The following AHR variants were observed in gnomAD, a reference collection of about 807,000 sequenced individuals.
AHR encodes aryl hydrocarbon receptor, also known as AH-receptor.
A neutral mutation model predicts 86.8 loss-of-function variants in AHR; 40 were observed. That is an observed-to-expected ratio of 0.46 (90% confidence interval 0.36 to 0.60). The LOEUF (loss-of-function observed/expected upper bound fraction) is 0.60, where lower values mean the gene tolerates loss of function less well. Ranked by LOEUF, AHR falls within the 20% of genes least tolerant of loss-of-function variation. The pLI, the probability that AHR is intolerant of heterozygous loss-of-function variation, is 0.00. For synonymous variants in AHR, 398 were observed against 354.9 expected (o/e 1.12, Z -1.37); for missense variants, 1,001 against 1,011.6 (o/e 0.99, Z 0.14).
At chr7:17,326,941 G>A (rs1185763477) in intron 3 of AHR, among the ~76,000 whole-genome samples, 2 of 152,044 alleles carry the variant, frequency 1.3e-5, no homozygotes, top group Admixed American at 6.6e-5. Flanking sequence ...TAATAATAAA[G>A]TGATCTATGA....
chr7:17,313,945 T>C (rs1348099609), intron 2 of AHR, among the ~76,000 whole-genome samples: 2 of 152,166 alleles, frequency 1.3e-5, no homozygotes, highest in African/African-American at 4.8e-5. Flanking sequence ...CTGGGCTTGT[T>C]GATCAATCTA....
At chr7:17,306,423 C>T (rs1206877448) in intron 1 of AHR, among the ~76,000 whole-genome samples, 1 of 152,148 alleles carries the variant, frequency 6.6e-6, no homozygotes, top group African/African-American at 2.4e-5. Flanking sequence ...AAATCCAGTA[C>T]ATCTGAATTG....
At chr7:17,316,689 C>G (rs1260309306) in intron 2 of AHR, among the ~76,000 whole-genome samples, 1 of 152,094 alleles carries the variant, frequency 6.6e-6, no homozygotes, top group Non-Finnish European at 1.5e-5. Flanking sequence ...CTGAATTCTT[C>G]ATGTATTTTC....
In AHR at chr7:17,339,840, A is replaced by G. The variant is rs1782399638; in HGVS notation, c.2015A>G (p.Tyr672Cys). The G allele has an allele frequency of 1.2e-6, 2 of 1,614,244 alleles. No individual in the cohort carries two copies. The highest frequency in any genetic ancestry group is 1.7e-6 in the Non-Finnish European group (2 of 1,180,040). The change falls in exon 10 of 11, where the codon TAT becomes TGT. Residue 672 changes from tyrosine to cysteine, a missense_variant. By Grantham distance (194) the Tyr-to-Cys change is radical (BLOSUM62 -2). Coordinates refer to ENST00000242057, the MANE Select transcript of AHR (RefSeq NM_001621.5). ...FNCPQQDPQQ[Y>C]NVFTDLHGIS... ...TGTCCACAGCAAGACCCACAACAAT[A>G]TAATGTCTTTACAGACTTACATGGG...
chr7:17,342,846 T>C (rs1782440546), intron 10 of AHR, 75 bp from the exon 11 acceptor site: 7 of 1,408,492 alleles, frequency 5.0e-6, no homozygotes, highest in Non-Finnish European at 6.9e-6. Flanking sequence ...TAAAAATACA[T>C]GTTAATGTTA....
At chr7:17,337,754 C>T (rs1012338771) in intron 9 of AHR, among the ~76,000 whole-genome samples, 2 of 151,640 alleles carry the variant, frequency 1.3e-5, no homozygotes, top group African/African-American at 4.8e-5. Context: ...GGATTACAGG[C>T]GTGAGCCACC....
chr7:17,303,408 C>T (rs987871922), intron 1 of AHR, among the ~76,000 whole-genome samples: 3 of 151,976 alleles, frequency 2.0e-5, no homozygotes, highest in Non-Finnish European at 2.9e-5. Context: ...ACAGCCATAT[C>T]CTAGGGATTT....
chr7:17,309,848 AAAT>A, intron 1 of AHR, 85 bp from the exon 2 acceptor site: 2 of 1,127,426 alleles, frequency 1.8e-6, no homozygotes, highest in Non-Finnish European at 2.4e-6. Context: ...TGTGTTAGAG[AAAT>A]ATTTGAGGAG....
At chr7:17,309,837 TTG>T in intron 1 of AHR, 97 bp from the exon 2 acceptor site, 1 of 1,026,668 alleles carries the variant, frequency 9.7e-7, no homozygotes. Flanking sequence ...TAAAAGTTTG[TTG>T]TGTTAGAGAA....
At chr7:17,314,847 A>G (rs1268105096) in intron 2 of AHR, among the ~76,000 whole-genome samples, 1 of 152,056 alleles carries the variant, frequency 6.6e-6, no homozygotes, top group Non-Finnish European at 1.5e-5. Context: ...CCAAAGTTTC[A>G]GTATGATAGT....
chr7:17,310,151 CA>C (rs1291815334), intron 2 of AHR, 28 bp downstream of exon 2: 1 of 1,570,582 alleles, frequency 6.4e-7, no homozygotes, highest in Non-Finnish European at 8.7e-7. Context: ...AATTTGTCTA[CA>C]ATAACGTATA....
chr7:17,301,008 C>T (rs1340169301), intron 1 of AHR, among the ~76,000 whole-genome samples: 1 of 151,914 alleles, frequency 6.6e-6, no homozygotes, highest in Non-Finnish European at 1.5e-5. Flanking sequence ...GGTTATTTTG[C>T]GTAAAATGTA....
chr7:17,338,852 G>C (rs1782384333), intron 9 of AHR, 134 bp from the exon 10 acceptor site: 3 of 829,812 alleles, frequency 3.6e-6, no homozygotes, highest in Non-Finnish European at 5.3e-6. Context: ...GAATAATTGA[G>C]GTGAAAATAA....
intron 2 of AHR, among the ~76,000 whole-genome samples, chr7:17,314,181 C>T (rs1036631287): frequency 9.9e-5 from 15 of 152,018 alleles, no homozygotes; most frequent in African/African-American, 3.1e-4. Flanking sequence ...CTTAGGGATC[C>T]GAGTTTCTGA....
At chr7:17,341,675 A>G (rs909824206) in intron 10 of AHR, among the ~76,000 whole-genome samples, 1 of 152,210 alleles carries the variant, frequency 6.6e-6, no homozygotes, top group African/African-American at 2.4e-5. Context: ...CTTGGCTTGA[A>G]AAAAGAATGT....
At position 17,344,654 on chromosome 7, in the gene AHR, G is replaced by T. The variant is rs1160128994; in HGVS notation, c.*1590G>T. 7.0e-6 allele frequency: 1 copy of T among 143,508 alleles called. No homozygotes were observed. The highest frequency in any genetic ancestry group is 2.6e-5 in the African/African-American group (1 of 38,502). The allele number at this position is 143,508 out of a possible 1,614,324, so 8.9% of individuals were successfully genotyped here. On this transcript the variant is annotated 3_prime_UTR_variant, in exon 11 of 11. Transcript: ENST00000242057. Reference sequence around the variant, plus strand: ...CTTTTTTTTTTTTTTTTTTGAGAGAGAGTCTTACTCTGCCGCCCAAACTGG... The same window carrying T: ...CTTTTTTTTTTTTTTTTTTGAGAGATAGTCTTACTCTGCCGCCCAAACTGG...
At chr7:17,327,050 T>C (rs938349414) in intron 3 of AHR, among the ~76,000 whole-genome samples, 5 of 151,768 alleles carry the variant, frequency 3.3e-5, no homozygotes, top group Non-Finnish European at 7.4e-5. Context: ...AACTAAAGAG[T>C]ATGGGCTAAT....
intron 1 of AHR, among the ~76,000 whole-genome samples, chr7:17,307,478 C>G (rs1301077939): frequency 6.6e-6 from 1 of 152,062 alleles, no homozygotes; most frequent in African/African-American, 2.4e-5. Context: ...TGGGACATAA[C>G]AAGGAGGTTG....
chr7:17,339,815 T>G lies in AHR; in HGVS notation c.1990T>G (p.Cys664Gly). The G allele has an allele frequency of 6.2e-7, 1 of 1,614,208 alleles. No individual in the cohort carries two copies. The highest frequency in any genetic ancestry group is 8.5e-7 in the Non-Finnish European group (1 of 1,180,042). Residue 664 changes from cysteine to glycine, a missense_variant, in exon 10 of 11, where the codon TGT becomes GGT. Coordinates refer to ENST00000242057, the MANE Select transcript of AHR (RefSeq NM_001621.5). ...WNSNQFVPFN[C>G]PQQDPQQYNV... ...CTCTAACCAATTCGTGCCTTTCAAT[T>G]GTCCACAGCAAGACCCACAACAATA...
Sources: gnomAD v4.1 joint callset for allele counts (sites outside exome capture counted in the v4.1 genomes callset) on GRCh38, gnomAD v4.1.1 for gene constraint, MANE v1.5 for transcripts, NCBI Gene and HGNC (gene_info 2026-07-23, HGNC 2026-07-21) for gene names.